The following PSMD5 variants were observed in gnomAD, a reference collection of about 807,000 sequenced individuals.
PSMD5 encodes the protein proteasome 26S subunit, non-ATPase 5.
PSMD5 carries 40 observed loss-of-function variants against 52.1 expected under a neutral mutation model. That is an observed-to-expected ratio of 0.77 (90% CI 0.60 to 1.00). The LOEUF (loss-of-function observed/expected upper bound fraction) is 1.00. PSMD5 is among the 50% of genes least tolerant of loss of function. PSMD5 has a pLI of 0.00. For synonymous variants in PSMD5, 211 were observed against 226.6 expected (o/e 0.93, Z 0.62); for missense variants, 575 against 605.2 (o/e 0.95, Z 0.52).
intron 4 of PSMD5, among the ~76,000 whole-genome samples, chr9:120,830,895 A>ATG (rs1408501232): frequency 6.6e-6 from 1 of 151,294 alleles, no homozygotes; most frequent in Non-Finnish European, 1.5e-5. Flanking sequence ...AAATATATAT[A>ATG]TATATATAAA....
intron 2 of PSMD5, 40 bp downstream of exon 2, chr9:120,833,272 G>A (rs1156838285): frequency 1.9e-6 from 3 of 1,601,528 alleles, no homozygotes; most frequent in Non-Finnish European, 2.6e-6. Context: ...ACCTGGCCCA[G>A]AGCAGGTGGT....
At chr9:120,823,593 C>T (rs1378475619) in intron 7 of PSMD5, among the ~76,000 whole-genome samples, 1 of 150,020 alleles carries the variant, frequency 6.7e-6, no homozygotes, top group African/African-American at 2.5e-5. Context: ...CTCACTGCAA[C>T]CTCCACCTGC....
rs963032321 is a variant in PSMD5, at chr9:120,841,273, T to C, written c.173+1464A>G. On this transcript the variant is annotated intron_variant, in intron 1 of 9. Transcript: ENST00000210313. The stretch of plus-strand genomic sequence containing the variant: ...TAGATTGATATACCCTGCGATTTTC[T>C]TTTTCATTCAACAACACAGAGATTG... Among the ~76,000 whole-genome samples, 8 of 152,236 alleles carry C rather than the reference T, an allele frequency of 5.3e-5. No homozygotes were observed. In the East Asian group the frequency reaches 9.7e-4, roughly 18 times the overall value.
chr9:120,834,655 C>A (rs746384183), intron 1 of PSMD5, among the ~76,000 whole-genome samples: 4 of 152,206 alleles, frequency 2.6e-5, no homozygotes, highest in Non-Finnish European at 2.9e-5. Context: ...AAAAGATGCA[C>A]AGAAGCCAGA....
At position 120,826,315 on chromosome 9, in the gene PSMD5, C is replaced by T. The variant is rs113792101; in HGVS notation, c.814+450G>A. Among the ~76,000 whole-genome samples, 800 of 152,192 alleles carry T rather than the reference C, an allele frequency of 5.3e-3. 7 individuals are homozygous for T. Among genetic ancestry groups the T allele is most frequent in the African/African-American group, 0.018 (737 of 41,520 alleles). ...GGCCTTGTTCCTGATCTTAGAGGAA[C>T]GCTTTCAACTTTTCACCGCTGAGTA... On this transcript the variant is annotated intron_variant, in intron 6 of 9. Coordinates refer to ENST00000210313, the MANE Select transcript of PSMD5 (RefSeq NM_005047.4).
intron 1 of PSMD5, among the ~76,000 whole-genome samples, chr9:120,833,672 CTTTTTTTTTTTTTT>C (rs71385094): frequency 1.0e-3 from 88 of 85,642 alleles, no homozygotes; most frequent in Admixed American, 3.5e-3. Context: ...CTCTAGTCTT[CTTTTTTTTTTTTTT>C]TTTTTTTTTT....
chr9:120,831,977 A>G (rs1209782331), intron 2 of PSMD5, 32 bp from the exon 3 acceptor site: 5 of 1,604,054 alleles, frequency 3.1e-6, no homozygotes, highest in Non-Finnish European at 4.3e-6. Flanking sequence ...ACACTCTTCT[A>G]AAGTAGGGCA....
rs1246172255 is a variant in PSMD5 at position 120,822,594 on chromosome 9, G to T, written c.1007-1130C>A. ...GATGGAGTCTTGCTGTGTCACCCAG[G>T]CTGGAGTGCAATGGCGCAATCTCGA... On this transcript the variant is annotated intron_variant, in intron 7 of 9. Transcript: ENST00000210313. 2.6e-5 allele frequency among the ~76,000 whole-genome samples: 4 copies of T among 152,002 alleles called. No individual in the cohort carries two copies. In the East Asian group the frequency reaches 7.7e-4, roughly 29 times the overall value.
chr9:120,822,954 G>A (rs988000399), intron 7 of PSMD5, among the ~76,000 whole-genome samples: 7 of 151,998 alleles, frequency 4.6e-5, no homozygotes, highest in Admixed American at 1.3e-4. Flanking sequence ...TCAGCCTCCC[G>A]AGTGGCTGGG....
chr9:120,838,643 A>C (rs1412543054), intron 1 of PSMD5, among the ~76,000 whole-genome samples: 1 of 152,216 alleles, frequency 6.6e-6, no homozygotes, highest in African/African-American at 2.4e-5. Flanking sequence ...AAATTCCATT[A>C]AAATTGTTCC....
Position 120,831,412 on chromosome 9 carries a change from C to T in PSMD5, c.480G>A (p.Glu160=). 6.2e-7 allele frequency: 1 copy of T among 1,612,410 alleles called. No homozygotes were observed. Among genetic ancestry groups the T allele is most frequent in the Non-Finnish European group, 8.5e-7 (1 of 1,179,416 alleles). The change falls in exon 4 of 10, where the codon GAG becomes GAA. Residue 160 remains glutamate, a synonymous_variant. Coordinates refer to ENST00000210313, the MANE Select transcript of PSMD5 (RefSeq NM_005047.4). ...CCAGCAGATTGCTTTCAAATAAAGCCTCCAGTCCAGCTTGGGTTAGTGATA... is the reference window on the plus strand; with the variant it reads ...CCAGCAGATTGCTTTCAAATAAAGCTTCCAGTCCAGCTTGGGTTAGTGATA... ...SRISLTQAGL[E]ALFESNLLDD...
At chr9:120,839,821 T>C (rs901026384) in intron 1 of PSMD5, among the ~76,000 whole-genome samples, 2 of 108,262 alleles carry the variant, frequency 1.8e-5, no homozygotes, top group South Asian at 6.3e-4. Context: ...TTTTTTTTTT[T>C]AGACAGAGTC....
At chr9:120,830,532 T>C (rs1224370085) in intron 4 of PSMD5, among the ~76,000 whole-genome samples, 2 of 152,096 alleles carry the variant, frequency 1.3e-5, no homozygotes, top group East Asian at 1.9e-4. Flanking sequence ...CGGAGGATAA[T>C]GAGCCAGGAG....
At chr9:120,818,714 CTT>C (rs1324127941) in intron 9 of PSMD5, among the ~76,000 whole-genome samples, 1 of 150,888 alleles carries the variant, frequency 6.6e-6, no homozygotes, top group Non-Finnish European at 1.5e-5. Flanking sequence ...CTAACTGCCT[CTT>C]TTAACATAGA....
intron 1 of PSMD5, chr9:120,842,528 A>G (rs2045247348): frequency 1.7e-6 from 1 of 605,190 alleles, no homozygotes; most frequent in Admixed American, 3.2e-5. Context: ...AGGCCAGGCG[A>G]CGGGAGAAAA....
In PSMD5 at chr9:120,833,316, G is replaced by A. The variant is rs746491218; in HGVS notation, c.314C>T (p.Ser105Phe). The change falls in exon 2 of 10, where the codon TCC (serine) becomes TTC (phenylalanine). Residue 105 changes from serine to phenylalanine, a missense_variant. Transcript: ENST00000210313. Reference sequence around the variant, plus strand: ...GTTCCTAGTAGAATTTCATACCTGGGAAAGAGTGAGGATTTTTACAGAATC... The same window carrying A: ...GTTCCTAGTAGAATTTCATACCTGGAAAAGAGTGAGGATTTTTACAGAATC... ...PDDSVKILTL[S>F]QIGRIVENSD... The A allele has an allele frequency of 2.3e-5, 37 of 1,613,902 alleles. No homozygotes were observed. In the East Asian group the frequency reaches 8.0e-4, roughly 35 times the overall value.
At chr9:120,833,975 C>CTTTTTT (rs34657179) in intron 1 of PSMD5, among the ~76,000 whole-genome samples, 3 of 80,324 alleles carry the variant, frequency 3.7e-5, no homozygotes, top group Non-Finnish European at 7.1e-5. Flanking sequence ...CGCACCTGGC[C>CTTTTTT]TTTTTTTTTT....
intron 1 of PSMD5, among the ~76,000 whole-genome samples, chr9:120,837,104 T>C (rs2045203298): frequency 6.6e-6 from 1 of 152,170 alleles, no homozygotes; most frequent in Admixed American, 6.5e-5. Flanking sequence ...TTAGCCAGGA[T>C]GGTCTCTATC....
chr9:120,819,511 T>C (rs141888908), intron 9 of PSMD5, among the ~76,000 whole-genome samples: 2 of 152,286 alleles, frequency 1.3e-5, no homozygotes, highest in Non-Finnish European at 2.9e-5. Context: ...TCTCATACAA[T>C]GACCATTTAC....
Sources: allele counts gnomAD v4.1 joint callset (sites outside exome capture counted in the v4.1 genomes callset), GRCh38; gene constraint gnomAD v4.1.1; transcripts MANE v1.5; gene names NCBI Gene and HGNC (gene_info 2026-07-23, HGNC 2026-07-21).